TAFA1: variants seen among roughly 807,000 people sequenced by gnomAD.
TAFA1 encodes the protein chemokine-like protein TAFA-1.
A neutral mutation model predicts 18.5 loss-of-function variants in TAFA1; 4 were observed. The observed-to-expected ratio is 0.22, with a 90% CI of 0.11 to 0.49. TAFA1 has a LOEUF of 0.49. Among genes scored for constraint, TAFA1 ranks in the 20% least tolerant of loss-of-function variants. TAFA1 has a pLI of 0.98. For missense variants in TAFA1, 147 were observed against 169.0 expected, an observed-to-expected ratio of 0.87 and a Z score of 0.72; for synonymous variants, 56 against 55.2, an observed-to-expected ratio of 1.01 and a Z score of -0.06.
chr3:68,138,726 A>T (rs1041919163), intron 2 of TAFA1, among the ~76,000 whole-genome samples: 3 of 152,220 alleles, frequency 2.0e-5, no homozygotes, highest in African/African-American at 7.2e-5. Flanking sequence ...ATATAAAATA[A>T]CTAGTATAAA....
intron 2 of TAFA1, among the ~76,000 whole-genome samples, chr3:68,334,706 T>C (rs1184205313): frequency 1.3e-5 from 2 of 152,132 alleles, no homozygotes; most frequent in Non-Finnish European, 2.9e-5. Context: ...TCCCAGCGTT[T>C]TGACACTCGT....
chr3:68,321,388 C>T (rs1200018349), intron 2 of TAFA1, among the ~76,000 whole-genome samples: 1 of 152,058 alleles, frequency 6.6e-6, no homozygotes, highest in Non-Finnish European at 1.5e-5. Context: ...TTAGTATGGC[C>T]ATCTCCTCTG....
chr3:68,377,682 A>C (rs573210249), intron 2 of TAFA1, among the ~76,000 whole-genome samples: 2 of 152,316 alleles, frequency 1.3e-5, no homozygotes, highest in African/African-American at 4.8e-5. Context: ...CATGTCAGAG[A>C]TCTTAGCAGT....
At chr3:68,103,444 G>A (rs1188015340) in intron 2 of TAFA1, among the ~76,000 whole-genome samples, 1 of 152,154 alleles carries the variant, frequency 6.6e-6, no homozygotes, top group African/African-American at 2.4e-5. Context: ...CTAAATTTTT[G>A]TTAAAATATG....
At chr3:68,055,675 A>T (rs1342275290) in intron 2 of TAFA1, among the ~76,000 whole-genome samples, 1 of 152,010 alleles carries the variant, frequency 6.6e-6, no homozygotes, top group African/African-American at 2.4e-5. Context: ...TAAGAATAAG[A>T]TGTAGATAAC....
At chr3:68,296,849 C>T (rs201343498) in intron 2 of TAFA1, among the ~76,000 whole-genome samples, 3 of 152,096 alleles carry the variant, frequency 2.0e-5, no homozygotes, top group East Asian at 3.9e-4. Flanking sequence ...ATCAAATAAC[C>T]TAATGGAAAA....
intron 3 of TAFA1, among the ~76,000 whole-genome samples, chr3:68,448,542 T>C (rs2071511924): frequency 6.6e-6 from 1 of 152,216 alleles, no homozygotes; most frequent in South Asian, 2.1e-4. Flanking sequence ...GGTAGTTTGT[T>C]GCATTCTTTC....
intron 2 of TAFA1, among the ~76,000 whole-genome samples, chr3:68,379,635 C>G (rs1223724621): frequency 6.6e-6 from 1 of 151,882 alleles, no homozygotes; most frequent in African/African-American, 2.4e-5. Context: ...GGGTTTTACA[C>G]TTAAGTCTTT....
At chr3:68,494,471 G>T (rs1404335713) in intron 3 of TAFA1, among the ~76,000 whole-genome samples, 1 of 152,122 alleles carries the variant, frequency 6.6e-6, no homozygotes, top group Admixed American at 6.6e-5. Context: ...TTTCACAGCT[G>T]AAAAATATAT....
At chr3:68,309,567 T>C (rs1028535332) in intron 2 of TAFA1, among the ~76,000 whole-genome samples, 1 of 152,176 alleles carries the variant, frequency 6.6e-6, no homozygotes, top group African/African-American at 2.4e-5. Context: ...GAGACCCAAA[T>C]ACAGATTTAC....
At chr3:68,279,183 C>T (rs1575741583) in intron 2 of TAFA1, among the ~76,000 whole-genome samples, 1 of 152,118 alleles carries the variant, frequency 6.6e-6, no homozygotes, top group South Asian at 2.1e-4. Context: ...AGACTAGAAC[C>T]AGGATAGCTA....
chr3:68,393,139 G>GAC (rs898299041), intron 2 of TAFA1, among the ~76,000 whole-genome samples: 4 of 151,806 alleles, frequency 2.6e-5, no homozygotes, highest in Non-Finnish European at 4.4e-5. Context: ...GAATCAAGTA[G>GAC]ACACACACAC....
chr3:68,423,047 A>G (rs1033277239), intron 3 of TAFA1, among the ~76,000 whole-genome samples: 15 of 152,104 alleles, frequency 9.9e-5, no homozygotes, highest in East Asian at 7.7e-4. Flanking sequence ...TTCCAAGCAA[A>G]TGATTTAAAA....
chr3:68,415,599 T>A (rs2070816962), intron 2 of TAFA1, among the ~76,000 whole-genome samples: 1 of 152,138 alleles, frequency 6.6e-6, no homozygotes, highest in African/African-American at 2.4e-5. Context: ...GCACCAAAGA[T>A]ATAAATTTAT....
At chr3:68,320,658 G>A (rs1174586951) in intron 2 of TAFA1, among the ~76,000 whole-genome samples, 1 of 152,140 alleles carries the variant, frequency 6.6e-6, no homozygotes, top group South Asian at 2.1e-4. Context: ...CCCTGTTACT[G>A]CTAATACCCA....
intron 2 of TAFA1, among the ~76,000 whole-genome samples, chr3:68,319,715 C>T (rs2068667198): frequency 6.6e-6 from 1 of 152,192 alleles, no homozygotes; most frequent in Non-Finnish European, 1.5e-5. Context: ...ATGAATTCAT[C>T]ATGCTCAAAA....
intron 2 of TAFA1, among the ~76,000 whole-genome samples, chr3:68,361,801 G>A (rs1273214876): frequency 6.6e-6 from 1 of 151,990 alleles, no homozygotes; most frequent in East Asian, 1.9e-4. Context: ...ATTTACTTGT[G>A]ACACAAAAAT....
chr3:68,407,071 T>C (rs183908218), intron 2 of TAFA1, among the ~76,000 whole-genome samples: 198 of 152,244 alleles, frequency 1.3e-3, no homozygotes, highest in Admixed American at 2.0e-3. Flanking sequence ...TAATGATGCC[T>C]AAATGCAGTT....
At chr3:67,999,523 G>A (rs568923984), upstream of TAFA1, among the ~76,000 whole-genome samples, 2 of 152,016 alleles carry the variant, frequency 1.3e-5, no homozygotes, top group Non-Finnish European at 2.9e-5. Context: ...AATTTTAAGT[G>A]CTTTCTTTTG....
Sources: allele counts gnomAD v4.1 joint callset (sites outside exome capture counted in the v4.1 genomes callset), GRCh38; gene constraint gnomAD v4.1.1; transcripts MANE v1.5; gene names NCBI Gene and HGNC (gene_info 2026-07-23, HGNC 2026-07-21).